Variants in CHI3L1 observed in about 807,000 individuals in gnomAD.
CHI3L1 encodes the protein chitinase 3 like 1.
In CHI3L1, 30 loss-of-function variants were observed where a neutral mutation model predicts 40.7. The observed-to-expected ratio is 0.74, with a 90% confidence interval of 0.55 to 1.00. The LOEUF is 1.00. Ranked by LOEUF, CHI3L1 falls within the 50% of genes least tolerant of loss-of-function variation. The probability of loss-of-function intolerance (pLI) is 0.00; values close to 1 mark genes in which losing one functional copy is unlikely to be tolerated. For missense variants in CHI3L1, 493 were observed against 492.2 expected (o/e 1.00, Z -0.01); for synonymous variants, 210 against 192.1 (o/e 1.09, Z -0.77).
intron 9 of CHI3L1, 23 bp from the exon 10 acceptor site, chr1:203,179,608 G>A (rs367660199): frequency 4.7e-5 from 76 of 1,612,738 alleles, no homozygotes; most frequent in Non-Finnish European, 6.4e-5. Flanking sequence ...GCCCAGAGGA[G>A]CAGGGCTGGG....
Position 203,179,321 on chromosome 1 carries a change from C to A in CHI3L1, c.*124G>T, listed in dbSNP as rs1006881968. On this transcript the variant is annotated 3_prime_UTR_variant, in exon 10 of 10. Transcript: ENST00000255409. The stretch of plus-strand genomic sequence containing the variant: ...GTGTGTTGTGGACCTCTGCATAGGC[C>A]CCAAGGGAGGGAGACTGAGGCTCAG... The A allele has an allele frequency of 3.8e-5, 33 of 879,016 alleles. No homozygotes were observed. The African/African-American group carries it at 5.0e-4, about 13-fold the overall frequency. 54.5% of individuals were successfully genotyped at this position (879,016 alleles called of 1,614,324 possible).
In CHI3L1 at chr1:203,185,357, G is replaced by C; in HGVS notation, c.84C>G (p.Tyr28Ter). Residue 28 changes from tyrosine (Y) to a stop codon, truncating the protein, a stop_gained, in exon 3 of 10, where the codon TAC becomes TAG. Coordinates refer to ENST00000255409, the MANE Select transcript of CHI3L1 (RefSeq NM_001276.4). LOFTEE classifies it high-confidence loss of function. ...CTTCCCGGTACTGGGACCAGCTGGT[G>C]TAGTAGCAGACCAGTTTGTATGCAG... ...CCSAYKLVCYYTSWSQYREGD... is the reference protein window; with the variant it reads ...CCSAYKLVCY 2 of 1,614,160 alleles carry C rather than the reference G, an allele frequency of 1.2e-6. No individual in the cohort carries two copies. Among genetic ancestry groups the C allele is most frequent in the Non-Finnish European group, 1.7e-6 (2 of 1,180,036 alleles).
Position 203,181,257 on chromosome 1 carries a change from A to T in CHI3L1, c.616T>A (p.Tyr206Asn). The change falls in exon 7 of 10, where the codon TAC becomes AAC. Residue 206 changes from tyrosine (Y) to asparagine (N), a missense_variant. Physicochemically the swap from Tyr to Asn is moderately radical, Grantham distance 143. Transcript: ENST00000255409. ...QHLDFISIMT[Y>N]DFHGAWRGTT... ...CCACGCCAGGCTCCATGAAAATCGT[A>T]GGTCATGATGCTAATGAAATCCAGG... is the stretch of plus-strand genomic sequence containing the variant. 1 of 1,614,018 alleles carries T rather than the reference A, an allele frequency of 6.2e-7. No homozygotes were observed.
At chr1:203,180,343 G>T (rs1655907576) in intron 8 of CHI3L1, 127 bp downstream of exon 8, 1 of 876,374 alleles carries the variant, frequency 1.1e-6, no homozygotes, top group East Asian at 2.7e-5. Flanking sequence ...ACTTCCTCAG[G>T]CATGCTGGGG....
At position 203,179,887 on chromosome 1, in the gene CHI3L1, T is replaced by A; in HGVS notation, c.895-10A>T. 1 of 1,613,198 alleles carries A rather than the reference T, an allele frequency of 6.2e-7. No homozygotes were observed. The highest frequency in any genetic ancestry group is 8.5e-7 in the Non-Finnish European group (1 of 1,179,232). On this transcript the variant is annotated splice_polypyrimidine_tract_variant and intron_variant, in intron 8 of 9. Transcript: ENST00000255409. ...GGAGGAAGTCACAGATCTGAGCAGA[T>A]AACAGGGAAAAGGCAGTGTGGGGAG...
chr1:203,181,452 C>G, intron 6 of CHI3L1, 167 bp from the exon 7 acceptor site: 1 of 590,766 alleles, frequency 1.7e-6, no homozygotes, highest in Non-Finnish European at 2.8e-6. Flanking sequence ...GAAACCCCGT[C>G]TCTACTCTAA....
At chr1:203,180,103 A>G in intron 8 of CHI3L1, 1 of 583,292 alleles carries the variant, frequency 1.7e-6, no homozygotes, top group Non-Finnish European at 3.0e-6. Context: ...CCATTTAAAC[A>G]GAGATGTGAG....
In CHI3L1 at chr1:203,185,403, G is replaced by T; in HGVS notation, c.56-18C>A. The T allele has an allele frequency of 4.3e-6, 7 of 1,612,298 alleles. No homozygotes were observed. The highest frequency in any genetic ancestry group is 5.1e-6 in the Non-Finnish European group (6 of 1,178,972). The stretch of plus-strand genomic sequence containing the variant: ...TGCAGAGCCTGAAGGAGAAGTCTGG[G>T]ATGGGGCCCGGGCCAGGATTCGGCA... On this transcript the variant is annotated intron_variant, in intron 2 of 9. Coordinates refer to ENST00000255409, the MANE Select transcript of CHI3L1 (RefSeq NM_001276.4).
chr1:203,183,807 G>A lies in CHI3L1; in HGVS notation c.315-16C>T. On this transcript the variant is annotated splice_polypyrimidine_tract_variant and intron_variant, in intron 4 of 9. Transcript: ENST00000255409. The stretch of plus-strand genomic sequence containing the variant: ...CTTGGAAAATCTAGGACCAAAATCA[G>A]CCCTGTAGCATGCTCAGCACTGATA... 1 of 1,614,094 alleles carries A rather than the reference G, an allele frequency of 6.2e-7. No individual in the cohort carries two copies. Among genetic ancestry groups the A allele is most frequent in the Non-Finnish European group, 8.5e-7 (1 of 1,179,970 alleles).
chr1:203,182,919 C>A (rs529516661), intron 5 of CHI3L1, 67 bp from the exon 6 acceptor site: 1 of 1,547,562 alleles, frequency 6.5e-7, no homozygotes, highest in Non-Finnish European at 8.8e-7. Context: ...TCATCGAGGG[C>A]GGACTAGGTC....
rs771749198 is a variant in CHI3L1 at position 203,182,775 on chromosome 1, C to G, written c.543G>C (p.Gly181=). 1 of 1,614,142 alleles carries G rather than the reference C, an allele frequency of 6.2e-7. No homozygotes were observed. Among genetic ancestry groups the G allele is most frequent in the South Asian group, 1.1e-5 (1 of 91,078 alleles). ...CATAGCTGCTGTCAATGGTGACCTT[C>G]CCCGCAGACAGTGCTGCGCTGAGCA... is the stretch of plus-strand genomic sequence containing the variant. ...QLLLSAALSA[G]KVTIDSSYDI... The change falls in exon 6 of 10, where the codon GGG becomes GGC. Residue 181 remains glycine, a synonymous_variant. Coordinates refer to ENST00000255409, the MANE Select transcript of CHI3L1 (RefSeq NM_001276.4).
At chr1:203,180,380 A>G in intron 8 of CHI3L1, 90 bp downstream of exon 8, 2 of 1,229,436 alleles carry the variant, frequency 1.6e-6, no homozygotes, top group Non-Finnish European at 2.3e-6. Context: ...TTATTCCCAA[A>G]GGAGAAAAAG....
intron 6 of CHI3L1, 103 bp from the exon 7 acceptor site, chr1:203,181,388 C>T (rs997248198): frequency 1.0e-5 from 13 of 1,305,682 alleles, no homozygotes; most frequent in African/African-American, 5.9e-5. Context: ...TTTGGGAGGC[C>T]GAGGCAGGTG....
chr1:203,179,689 A>G (rs762740927), intron 9 of CHI3L1, 72 bp downstream of exon 9: 4 of 1,613,952 alleles, frequency 2.5e-6, no homozygotes, highest in South Asian at 2.2e-5. Flanking sequence ...TGCAAGGGAC[A>G]GGAATCTGGC....
At chr1:203,182,891 G>A in intron 5 of CHI3L1, 39 bp from the exon 6 acceptor site, 1 of 1,611,102 alleles carries the variant, frequency 6.2e-7, no homozygotes, top group South Asian at 1.1e-5. Context: ...AGGGTCCCAA[G>A]TGGCATGAGA....
In CHI3L1 at chr1:203,186,639, G is replaced by A. The variant is rs1262491437; in HGVS notation, c.-16C>T. The A allele has an allele frequency of 5.0e-6, 8 of 1,614,078 alleles. No homozygotes were observed. The highest frequency in any genetic ancestry group is 1.3e-5 in the African/African-American group (1 of 75,030). On this transcript the variant is annotated 5_prime_UTR_variant, in exon 1 of 10. Coordinates refer to ENST00000255409, the MANE Select transcript of CHI3L1 (RefSeq NM_001276.4). Reference sequence around the variant, plus strand: ...TCACACCCATTCTGGCTGCAGCAGAGCAGGGCAGGGTGTGGCCTCTTCCCT... The same window carrying A: ...TCACACCCATTCTGGCTGCAGCAGAACAGGGCAGGGTGTGGCCTCTTCCCT...
Position 203,179,555 on chromosome 1 carries a change from C to T in CHI3L1, c.1042G>A (p.Gly348Ser), listed in dbSNP as rs1655884583. The part of the protein sequence containing the change: ...VQYLKDRQLA[G>S]AMVWALDLDD... ...AGGTCCAGGGCCCATACCATGGCGCCCGCCAGCTGCCTGTCCTTCAGGTAC... is the reference window on the plus strand; with the variant it reads ...AGGTCCAGGGCCCATACCATGGCGCTCGCCAGCTGCCTGTCCTTCAGGTAC... The change falls in exon 10 of 10, where the codon GGC becomes AGC. Residue 348 changes from glycine (G) to serine (S), a missense_variant. By Grantham distance (56) the Gly-to-Ser change is moderately conservative. Coordinates refer to ENST00000255409, the MANE Select transcript of CHI3L1 (RefSeq NM_001276.4). 1 of 1,608,786 alleles carries T rather than the reference C, an allele frequency of 6.2e-7. No homozygotes were observed. Among genetic ancestry groups the T allele is most frequent in the Non-Finnish European group, 8.5e-7 (1 of 1,175,712 alleles).
chr1:203,184,719 G>A, intron 3 of CHI3L1, 87 bp from the exon 4 acceptor site: 1 of 1,170,028 alleles, frequency 8.5e-7, no homozygotes, highest in African/African-American at 1.5e-5. Context: ...GGCCATAGAA[G>A]GTTTCCTGCT....
At position 203,179,217 on chromosome 1, in the gene CHI3L1, C is replaced by G. The variant is rs943837653; in HGVS notation, c.*228G>C. The G allele has an allele frequency of 2.3e-6, 1 of 432,030 alleles. No individual in the cohort carries two copies. Among genetic ancestry groups the G allele is most frequent in the Non-Finnish European group, 4.1e-6 (1 of 243,826 alleles). The allele number at this position is 432,030 out of a possible 1,614,324, so 26.8% of individuals were successfully genotyped here. On this transcript the variant is annotated 3_prime_UTR_variant, in exon 10 of 10. Transcript: ENST00000255409. ...TTAATCAACAAGTGTGTACTAATCC[C>G]GAGTCTTACATTGCGATGCCTCACT...
Sources: gnomAD v4.1 joint callset for allele counts on GRCh38, gnomAD v4.1.1 for gene constraint, MANE v1.5 for transcripts, NCBI Gene and HGNC (gene_info 2026-07-23, HGNC 2026-07-21) for gene names.